ZFHX3: variants seen among roughly 807,000 people sequenced by gnomAD.
ZFHX3 encodes the protein zinc finger homeobox protein 3.
Under a neutral mutation model 279.1 loss-of-function variants are expected in ZFHX3, and 42 were observed. The ratio of observed to expected loss-of-function variants is 0.15; its 90% CI spans 0.12 to 0.19. The LOEUF (loss-of-function observed/expected upper bound fraction) is 0.19. Ranked by LOEUF, ZFHX3 falls within the 10% of genes least tolerant of loss-of-function variation. ZFHX3 has a pLI of 1.00. For synonymous variants in ZFHX3, 2,293 were observed against 1,957.8 expected (o/e 1.17, Z -4.52); for missense variants, 4,981 against 4,754.0 (o/e 1.05, Z -1.40).
At chr16:73,586,958 A>G (rs1002664444) in intron 2 of ZFHX3, among the ~76,000 whole-genome samples, 2 of 152,130 alleles carry the variant, frequency 1.3e-5, no homozygotes, top group Admixed American at 1.3e-4. Flanking sequence ...TTTTTCCACT[A>G]TGTAAATACT....
intron 1 of ZFHX3, among the ~76,000 whole-genome samples, chr16:73,728,588 C>CTGG (rs2053541848): frequency 6.6e-6 from 1 of 152,084 alleles, no homozygotes; most frequent in African/African-American, 2.4e-5. Flanking sequence ...TTGTGAGTTA[C>CTGG]TGGTGGCCAT....
chr16:73,414,465 G>C (rs74992037), intron 3 of ZFHX3, among the ~76,000 whole-genome samples: 1 of 152,180 alleles, frequency 6.6e-6, no homozygotes, highest in Non-Finnish European at 1.5e-5. Context: ...TTGGCCACTC[G>C]TTCTCCTACC....
intron 1 of ZFHX3, among the ~76,000 whole-genome samples, chr16:73,691,922 T>C (rs950518152): frequency 2.0e-5 from 3 of 152,212 alleles, no homozygotes; most frequent in Non-Finnish European, 4.4e-5. Flanking sequence ...GGGACATCAA[T>C]GGTAATATTG....
At chr16:73,127,284 C>A in intron 7 of ZFHX3, 1 of 1,244,794 alleles carries the variant, frequency 8.0e-7, no homozygotes. Context: ...AGGAAACTGA[C>A]AGGCAGAGAA....
At chr16:73,851,112 C>A (rs1328069253) in intron 1 of ZFHX3, among the ~76,000 whole-genome samples, 1 of 152,162 alleles carries the variant, frequency 6.6e-6, no homozygotes, top group Admixed American at 6.5e-5. Context: ...TTACTGCTGT[C>A]AAAACATGGT....
chr16:73,473,843 T>C (rs1156772738), intron 2 of ZFHX3, among the ~76,000 whole-genome samples: 1 of 152,168 alleles, frequency 6.6e-6, no homozygotes, highest in African/African-American at 2.4e-5. Context: ...TGAACACTTC[T>C]GAATAAAAAC....
intron 4 of ZFHX3, among the ~76,000 whole-genome samples, chr16:73,309,074 T>C (rs2015262411): frequency 6.6e-6 from 1 of 152,170 alleles, no homozygotes; most frequent in Non-Finnish European, 1.5e-5. Flanking sequence ...TTTTTTATTA[T>C]GATTTTTTAA....
chr16:73,168,818 C>T (rs764370776), intron 5 of ZFHX3, among the ~76,000 whole-genome samples: 4 of 152,160 alleles, frequency 2.6e-5, no homozygotes, highest in African/African-American at 9.7e-5. Flanking sequence ...CCGTCCACTC[C>T]GCTTTACACC....
rs533852443 is a variant in ZFHX3, at chr16:73,020,450, A to G, written c.-50+27302T>C. On this transcript the variant is annotated intron_variant, in intron 1 of 9. Coordinates refer to ENST00000268489, the MANE Select transcript of ZFHX3 (RefSeq NM_006885.4). ...ATTCCGAAAGAAAAACATCCCCCAC[A>G]CAGAGTGTAAGGGCCAAGAATGGCC... is the stretch of plus-strand genomic sequence containing the variant. Among the ~76,000 whole-genome samples, 509 of 152,362 alleles carry G rather than the reference A, an allele frequency of 3.3e-3. 2 individuals carry two copies. Among genetic ancestry groups the G allele is most frequent in the African/African-American group, 0.012 (486 of 41,578 alleles).
At chr16:73,109,478 C>T (rs943982506) in intron 7 of ZFHX3, among the ~76,000 whole-genome samples, 8 of 141,476 alleles carry the variant, frequency 5.7e-5, no homozygotes, top group Admixed American at 3.0e-4. Context: ...GCTCTGCCAG[C>T]GCATGCACTA....
At chr16:73,243,254 G>C (rs977065157) in intron 5 of ZFHX3, among the ~76,000 whole-genome samples, 6 of 152,224 alleles carry the variant, frequency 3.9e-5, no homozygotes, top group East Asian at 1.9e-4. Context: ...TCACATAAGA[G>C]ATAAATCTTT....
In ZFHX3 at chr16:72,785,320, T is replaced by C. The variant is rs1179098071; in HGVS notation, c.*1844A>G. ...GCCTCACATACAGTTCCTTTTTTGC[T>C]TTCTGTACACTGCTATCTGCTGCTT... On this transcript the variant is annotated 3_prime_UTR_variant, in exon 10 of 10. Transcript: ENST00000268489. 1 of 152,640 alleles carries C rather than the reference T, an allele frequency of 6.6e-6. No homozygotes were observed. The highest frequency in any genetic ancestry group is 1.5e-5 in the Non-Finnish European group (1 of 68,048). The allele number at this position is 152,640 out of a possible 1,614,324, so 9.5% of individuals were successfully genotyped here. A position where few individuals can be genotyped will look rare whatever the true frequency, so the allele number is the denominator to read the frequency against.
intron 3 of ZFHX3, among the ~76,000 whole-genome samples, chr16:73,337,538 G>C (rs570501699): frequency 2.0e-5 from 3 of 152,038 alleles, no homozygotes; most frequent in Non-Finnish European, 4.4e-5. Context: ...CCTCATCGCA[G>C]CCATTGATCA....
At chr16:73,879,802 C>T (rs2030082846) in intron 1 of ZFHX3, among the ~76,000 whole-genome samples, 1 of 151,948 alleles carries the variant, frequency 6.6e-6, no homozygotes, top group Admixed American at 6.6e-5. Flanking sequence ...CTGGCTTCTA[C>T]CCACTACTTG....
chr16:73,845,386 G>A (rs1227199285), intron 1 of ZFHX3, among the ~76,000 whole-genome samples: 5 of 152,118 alleles, frequency 3.3e-5, no homozygotes, highest in African/African-American at 9.7e-5. Flanking sequence ...GCTAGTACAA[G>A]AAGCACCTTC....
chr16:73,691,488 T>A (rs1002053783), intron 1 of ZFHX3, among the ~76,000 whole-genome samples: 1 of 152,224 alleles, frequency 6.6e-6, no homozygotes, highest in African/African-American at 2.4e-5. Context: ...TGGATTTAAA[T>A]CCTGGCTCTA....
At position 72,784,173 on chromosome 16, in the gene ZFHX3, C is replaced by T. The variant is rs1214391105; in HGVS notation, c.*2991G>A. 2 of 152,396 alleles carry T rather than the reference C, an allele frequency of 1.3e-5. No homozygotes were observed. The highest frequency in any genetic ancestry group is 2.9e-5 in the Non-Finnish European group (2 of 68,020). The allele number at this position is 152,396 out of a possible 1,614,324, so 9.4% of individuals were successfully genotyped here. ...TCAACCACCTTATTGTCGCCAAACA[C>T]CCACAGCTCAAGGCATGGCATAACA... is the stretch of plus-strand genomic sequence containing the variant. On this transcript the variant is annotated 3_prime_UTR_variant, in exon 10 of 10. Coordinates refer to ENST00000268489, the MANE Select transcript of ZFHX3 (RefSeq NM_006885.4).
chr16:73,523,689 G>A (rs908792402), intron 2 of ZFHX3, among the ~76,000 whole-genome samples: 4 of 151,314 alleles, frequency 2.6e-5, no homozygotes, highest in African/African-American at 9.7e-5. Context: ...TAAAGGAGAT[G>A]GATAAAGTCT....
intron 1 of ZFHX3, among the ~76,000 whole-genome samples, chr16:73,831,570 G>T (rs1385076256): frequency 6.6e-6 from 1 of 152,202 alleles, no homozygotes; most frequent in Admixed American, 6.6e-5. Flanking sequence ...TACAGATTCT[G>T]CAGCCTCTCA....
Sources: gnomAD v4.1 joint callset for allele counts (sites outside exome capture counted in the v4.1 genomes callset) on GRCh38, gnomAD v4.1.1 for gene constraint, MANE v1.5 for transcripts, NCBI Gene and HGNC (gene_info 2026-07-23, HGNC 2026-07-21) for gene names.